Variants in SH3RF3 observed in about 807,000 individuals in gnomAD.
SH3RF3 encodes the protein E3 ubiquitin-protein ligase SH3RF3.
SH3RF3 carries 29 observed loss-of-function variants against 66.3 expected under a neutral mutation model. The observed-to-expected ratio is 0.44, with a 90% CI of 0.33 to 0.60. The LOEUF (loss-of-function observed/expected upper bound fraction) is 0.60, where lower values mean the gene tolerates loss of function less well. Among genes scored for constraint, SH3RF3 ranks in the 20% least tolerant of loss-of-function variants. The probability of loss-of-function intolerance (pLI) is 0.04; values close to 1 mark genes in which losing one functional copy is unlikely to be tolerated. For missense variants in SH3RF3, 1,194 were observed against 1,190.9 expected (o/e 1.00, Z -0.04); for synonymous variants, 583 against 532.0 (o/e 1.10, Z -1.32).
intron 1 of SH3RF3, among the ~76,000 whole-genome samples, chr2:109,279,775 C>T (rs551979013): frequency 2.0e-5 from 3 of 152,216 alleles, no homozygotes; most frequent in Non-Finnish European, 2.9e-5. Context: ...ACGCTGACCT[C>T]GCTGACAGAG....
intron 1 of SH3RF3, among the ~76,000 whole-genome samples, chr2:109,318,303 G>A (rs1003855013): frequency 6.6e-6 from 1 of 152,010 alleles, no homozygotes; most frequent in African/African-American, 2.4e-5. Flanking sequence ...GCTCCTCCTA[G>A]CGTGACTGGC....
chr2:109,415,396 A>G (rs1676695161), intron 4 of SH3RF3, among the ~76,000 whole-genome samples: 1 of 152,200 alleles, frequency 6.6e-6, no homozygotes, highest in African/African-American at 2.4e-5. Context: ...GCATTGTTCC[A>G]GGGGGAGTGC....
chr2:109,245,858 G>A (rs1204081141), intron 1 of SH3RF3, among the ~76,000 whole-genome samples: 1 of 152,182 alleles, frequency 6.6e-6, no homozygotes, highest in Non-Finnish European at 1.5e-5. Flanking sequence ...TGAATCTAGA[G>A]TACTTAACAC....
Position 109,436,874 on chromosome 2 carries a change from T to G in SH3RF3, c.1575-19T>G. 6.2e-7 allele frequency: 1 copy of G among 1,609,984 alleles called. No individual in the cohort carries two copies. Among genetic ancestry groups the G allele is most frequent in the Non-Finnish European group, 8.5e-7 (1 of 1,177,524 alleles). On this transcript the variant is annotated intron_variant, in intron 6 of 9. Transcript: ENST00000309415. ...CCTCTGAGCCTCTCATCAGAATTCC[T>G]TCTGCTTTCTCTCCACAGGGTGCCT...
At chr2:109,258,383 G>A (rs968656491) in intron 1 of SH3RF3, among the ~76,000 whole-genome samples, 3 of 152,306 alleles carry the variant, frequency 2.0e-5, no homozygotes, top group South Asian at 2.1e-4. Flanking sequence ...TAGTGCAGCC[G>A]GGTTTTCTGC....
intron 1 of SH3RF3, among the ~76,000 whole-genome samples, chr2:109,343,780 T>C (rs1682615901): frequency 1.3e-5 from 2 of 151,020 alleles, no homozygotes; most frequent in South Asian, 4.2e-4. Flanking sequence ...GTTCTTGCCC[T>C]GTCACCTAGG....
chr2:109,402,422 A>G (rs561352256), intron 4 of SH3RF3, among the ~76,000 whole-genome samples: 2 of 152,350 alleles, frequency 1.3e-5, no homozygotes, highest in South Asian at 4.1e-4. Context: ...GCTTGGAGAA[A>G]TTCAGCATTG....
At chr2:109,438,002 A>G (rs1229386564) in intron 7 of SH3RF3, among the ~76,000 whole-genome samples, 2 of 152,198 alleles carry the variant, frequency 1.3e-5, no homozygotes, top group Admixed American at 1.3e-4. Flanking sequence ...CTCAGAAATC[A>G]TCTGTTTTTC....
intron 1 of SH3RF3, among the ~76,000 whole-genome samples, chr2:109,319,266 A>G (rs1349536142): frequency 3.3e-5 from 5 of 152,174 alleles, no homozygotes; most frequent in African/African-American, 1.2e-4. Flanking sequence ...TGGAGTTGAG[A>G]AAGAGTTGGT....
At chr2:109,348,448 G>A (rs1207131300) in intron 2 of SH3RF3, among the ~76,000 whole-genome samples, 1 of 152,200 alleles carries the variant, frequency 6.6e-6, no homozygotes, top group East Asian at 1.9e-4. Flanking sequence ...GGGCCACCCT[G>A]GTGCGTAGGG....
At chr2:109,431,552 G>T (rs1677215991) in intron 5 of SH3RF3, among the ~76,000 whole-genome samples, 1 of 152,194 alleles carries the variant, frequency 6.6e-6, no homozygotes, top group South Asian at 2.1e-4. Flanking sequence ...CCTAAGCTGG[G>T]ATTTTCACCA....
chr2:109,392,184 A>G (rs2104416167), intron 3 of SH3RF3, among the ~76,000 whole-genome samples: 1 of 152,344 alleles, frequency 6.6e-6, no homozygotes. Flanking sequence ...TCCAATAGTC[A>G]AGGGCATAGG....
intron 1 of SH3RF3, among the ~76,000 whole-genome samples, chr2:109,138,126 C>T (rs1334149772): frequency 6.6e-6 from 1 of 152,238 alleles, no homozygotes; most frequent in Non-Finnish European, 1.5e-5. Flanking sequence ...AGCTATTCTT[C>T]TGCCTCAGCC....
intron 1 of SH3RF3, among the ~76,000 whole-genome samples, chr2:109,328,298 C>A (rs950335042): frequency 2.6e-5 from 4 of 152,198 alleles, no homozygotes; most frequent in African/African-American, 9.7e-5. Context: ...TCTCTTACTT[C>A]TTTCTATTTC....
chr2:109,172,437 A>C (rs1020744109), intron 1 of SH3RF3, among the ~76,000 whole-genome samples: 1 of 152,182 alleles, frequency 6.6e-6, no homozygotes, highest in East Asian at 1.9e-4. Context: ...AAAAACATTA[A>C]AATACGTTTA....
chr2:109,268,284 G>A (rs1680544500), intron 1 of SH3RF3, among the ~76,000 whole-genome samples: 1 of 151,708 alleles, frequency 6.6e-6, no homozygotes, highest in Non-Finnish European at 1.5e-5. Context: ...CCCTTCTCTG[G>A]GCTCCAGGTG....
chr2:109,142,950 G>A (rs1396304114), intron 1 of SH3RF3, among the ~76,000 whole-genome samples: 1 of 152,162 alleles, frequency 6.6e-6, no homozygotes, highest in Non-Finnish European at 1.5e-5. Context: ...CACATGGGTG[G>A]TAGTGGAGTG....
At chr2:109,455,658 G>A (rs1003577831) in intron 8 of SH3RF3, among the ~76,000 whole-genome samples, 3 of 152,202 alleles carry the variant, frequency 2.0e-5, no homozygotes, top group Non-Finnish European at 4.4e-5. Flanking sequence ...TCTCTAAAGT[G>A]AAGAATCGCT....
At chr2:109,199,612 T>TCAACCCGACTGCAGG (rs1574499835) in intron 1 of SH3RF3, among the ~76,000 whole-genome samples, 1 of 336 alleles carries the variant, frequency 3.0e-3, no homozygotes, top group African/African-American at 8.8e-3. Context: ...TGGAATGGAA[T>TCAACCCGACTGCAGG]GGAATGGAAT....
Sources: gnomAD v4.1 joint callset for allele counts (sites outside exome capture counted in the v4.1 genomes callset) on GRCh38, gnomAD v4.1.1 for gene constraint, MANE v1.5 for transcripts, NCBI Gene and HGNC (gene_info 2026-07-23, HGNC 2026-07-21) for gene names.